The following SKP2 variants were observed in gnomAD, a reference collection of about 807,000 sequenced individuals.
SKP2 encodes the protein S-phase kinase associated protein 2.
In SKP2, 16 loss-of-function variants were observed where a neutral mutation model predicts 51.8. The observed-to-expected ratio is 0.31, with a 90% CI of 0.21 to 0.47. The LOEUF is 0.47. SKP2 is among the 20% of genes least tolerant of loss of function. The pLI is 1.00. For missense variants in SKP2, 377 were observed against 505.3 expected (o/e 0.75, Z 2.43); for synonymous variants, 176 against 198.6 (o/e 0.89, Z 0.96).
At chr5:36,155,069 G>C (rs1367456484) in intron 2 of SKP2, 2 of 152,156 alleles carry the variant, frequency 1.3e-5, no homozygotes, top group Non-Finnish European at 2.9e-5. Context: ...CTCCCATCTG[G>C]TTTCCTTTGC....
At chr5:36,179,605 A>G (rs1013435651) in intron 9 of SKP2, among the ~76,000 whole-genome samples, 1 of 152,188 alleles carries the variant, frequency 6.6e-6, no homozygotes, top group Admixed American at 6.6e-5. Context: ...ATAAGACTAA[A>G]AGACTTCTGT....
At chr5:36,190,469 T>C (rs1028964786) in intron 6 of SKP2, among the ~76,000 whole-genome samples, 2 of 148,224 alleles carry the variant, frequency 1.3e-5, no homozygotes, top group Non-Finnish European at 3.0e-5. Flanking sequence ...AGCAGCATTT[T>C]AAAAATATAT....
chr5:36,175,319 A>G (rs1002230082), intron 7 of SKP2, among the ~76,000 whole-genome samples: 29 of 152,026 alleles, frequency 1.9e-4, no homozygotes, highest in African/African-American at 7.0e-4. Context: ...TGGGGGAGAA[A>G]TTGAGTATTT....
chr5:36,168,535 C>T lies in SKP2; in HGVS notation c.671+88C>T. 3.2e-6 allele frequency: 4 copies of T among 1,264,046 alleles called. No individual in the cohort carries two copies. In the East Asian group the frequency reaches 9.3e-5, roughly 29 times the overall value. The allele number at this position is 1,264,046 out of a possible 1,614,324, so 78.3% of individuals were successfully genotyped here. A position where few individuals can be genotyped will look rare whatever the true frequency, so the allele number is the denominator to read the frequency against. Reference sequence around the variant, plus strand: ...TATATAACTGGGGTGCCCTTCTAGCCATATCCAGGTGGATACAGAAAATAT... The same window carrying T: ...TATATAACTGGGGTGCCCTTCTAGCTATATCCAGGTGGATACAGAAAATAT... On this transcript the variant is annotated intron_variant, in intron 5 of 9. Coordinates refer to ENST00000274255, the MANE Select transcript of SKP2 (RefSeq NM_005983.4).
At position 36,183,433 on chromosome 5, in the gene SKP2, A is replaced by AT. The variant is rs1256512349; in HGVS notation, c.*1409dup. 2 of 276,782 alleles carry AT rather than the reference A, an allele frequency of 7.2e-6. No individual in the cohort carries two copies. Among genetic ancestry groups the AT allele is most frequent in the Non-Finnish European group, 1.1e-5 (2 of 182,634 alleles). 17.1% of individuals were successfully genotyped at this position (276,782 alleles called of 1,614,324 possible). On this transcript the variant is annotated 3_prime_UTR_variant, in exon 10 of 10. Coordinates refer to ENST00000274255, the MANE Select transcript of SKP2 (RefSeq NM_005983.4). Reference sequence around the variant, plus strand: ...AGGCGCCCACCACCACGCCCGGCTAATTTTTTTGTATTTTTAGTAGAGACG... The same window carrying AT: ...AGGCGCCCACCACCACGCCCGGCTAATTTTTTTTGTATTTTTAGTAGAGACG...
chr5:36,181,374 C>G (rs558419226), intron 9 of SKP2, among the ~76,000 whole-genome samples: 42 of 152,174 alleles, frequency 2.8e-4, no homozygotes, highest in Admixed American at 5.9e-4. Context: ...GAGCCTAGTT[C>G]AAATAAAGGT....
At chr5:36,186,927 T>C (rs1341614584), downstream of SKP2, among the ~76,000 whole-genome samples, 1 of 152,234 alleles carries the variant, frequency 6.6e-6, no homozygotes, top group East Asian at 1.9e-4. Flanking sequence ...CAGAGCCTGT[T>C]ATTGGTCTAT....
chr5:36,164,261 G>A (rs1745217045), intron 3 of SKP2, among the ~76,000 whole-genome samples: 1 of 152,148 alleles, frequency 6.6e-6, no homozygotes. Flanking sequence ...GGAAACCACT[G>A]GTTATGAGGA....
Position 36,177,167 on chromosome 5 carries a change from C to A in SKP2, c.954-18C>A, listed in dbSNP as rs2287935. 134,149 of 1,526,870 alleles carry A rather than the reference C, an allele frequency of 0.088. 9,489 individuals carry two copies. The highest frequency in any genetic ancestry group is 0.33 in the African/African-American group (23,905 of 73,154). The allele number at this position is 1,526,870 out of a possible 1,614,324, so 94.6% of individuals were successfully genotyped here. A position where few individuals can be genotyped will look rare whatever the true frequency, so the allele number is the denominator to read the frequency against. On this transcript the variant is annotated intron_variant, in intron 8 of 9. Transcript: ENST00000274255. Reference sequence around the variant, plus strand: ...CAATGTGTGATTTTCAATATCTTTTCTTCTGCCTTCTTAACAGTGATAGTG... The same window carrying A: ...CAATGTGTGATTTTCAATATCTTTTATTCTGCCTTCTTAACAGTGATAGTG...
chr5:36,167,162 G>T (rs763550376), intron 4 of SKP2, among the ~76,000 whole-genome samples: 3 of 152,130 alleles, frequency 2.0e-5, no homozygotes, highest in Non-Finnish European at 2.9e-5. Context: ...AGAATTTTCT[G>T]TTCTGATAAT....
intron 7 of SKP2, among the ~76,000 whole-genome samples, chr5:36,174,848 A>G (rs1038928647): frequency 6.6e-6 from 1 of 152,136 alleles, no homozygotes; most frequent in African/African-American, 2.4e-5. Context: ...ACAAAGGACC[A>G]GTGAGTGCAA....
intron 6 of SKP2, among the ~76,000 whole-genome samples, chr5:36,171,063 G>A (rs1745456909): frequency 6.6e-6 from 1 of 152,220 alleles, no homozygotes; most frequent in African/African-American, 2.4e-5. Context: ...TTATCAGTGA[G>A]ATCAAATGTA....
chr5:36,166,190 C>A (rs1745281874), intron 3 of SKP2, among the ~76,000 whole-genome samples: 1 of 152,134 alleles, frequency 6.6e-6, no homozygotes, highest in South Asian at 2.1e-4. Context: ...TTGATTTGAG[C>A]AATCATTTTT....
At chr5:36,166,982 G>A (rs1745308927) in intron 4 of SKP2, among the ~76,000 whole-genome samples, 1 of 151,990 alleles carries the variant, frequency 6.6e-6, no homozygotes, top group Non-Finnish European at 1.5e-5. Flanking sequence ...GCACTCACTG[G>A]CAGATGCAAG....
downstream of SKP2, among the ~76,000 whole-genome samples, chr5:36,187,449 G>A (rs912751253): frequency 3.4e-5 from 5 of 147,700 alleles, no homozygotes; most frequent in Admixed American, 6.6e-5. Context: ...GTTCTCATTC[G>A]TTTCAAAGAA....
At chr5:36,173,393 G>A (rs72744542) in intron 7 of SKP2, among the ~76,000 whole-genome samples, 2,429 of 152,250 alleles carry the variant, frequency 0.016, 32 homozygotes, top group Non-Finnish European at 0.026. Context: ...TTTCCTCCAA[G>A]AAGTTTAAAC....
Position 36,183,173 on chromosome 5 carries a change from G to T in SKP2, c.*1142G>T. ...AAGCACTACTTATACCTACATAAGA[G>T]TTAAAATCCAGATGTGGGACCTTTT... On this transcript the variant is annotated 3_prime_UTR_variant, in exon 10 of 10. Transcript: ENST00000274255. 1.0e-6 allele frequency: 1 copy of T among 975,040 alleles called. No individual in the cohort carries two copies. The highest frequency in any genetic ancestry group is 1.2e-6 in the Non-Finnish European group (1 of 820,586). 60.4% of individuals were successfully genotyped at this position (975,040 alleles called of 1,614,324 possible).
At chr5:36,161,146 A>G (rs1015454440) in intron 2 of SKP2, among the ~76,000 whole-genome samples, 2 of 152,122 alleles carry the variant, frequency 1.3e-5, no homozygotes, top group African/African-American at 2.4e-5. Context: ...TCAAACTCTG[A>G]GCAGAATAAG....
intron 5 of SKP2, among the ~76,000 whole-genome samples, chr5:36,170,135 T>C (rs33667): frequency 0.88 from 134,406 of 152,152 alleles, 59,964 homozygotes; most frequent in Non-Finnish European, 0.94. Flanking sequence ...TCTTAATAAC[T>C]CTGCCAAGAA....
Sources: gnomAD v4.1 joint callset for allele counts (sites outside exome capture counted in the v4.1 genomes callset) on GRCh38, gnomAD v4.1.1 for gene constraint, MANE v1.5 for transcripts, NCBI Gene and HGNC (gene_info 2026-07-23, HGNC 2026-07-21) for gene names.